The following PEAK1 variants were observed in gnomAD, a reference collection of about 807,000 sequenced individuals.
PEAK1 encodes the protein inactive tyrosine-protein kinase PEAK1.
A neutral mutation model predicts 124.7 loss-of-function variants in PEAK1; 54 were observed. That is an observed-to-expected ratio of 0.43 (90% CI 0.35 to 0.54). PEAK1 has a LOEUF of 0.54. PEAK1 is among the 20% of genes least tolerant of loss of function. PEAK1 has a pLI of 0.01. For synonymous variants in PEAK1, 719 were observed against 760.0 expected, an observed-to-expected ratio of 0.95 and a Z score of 0.89; for missense variants, 2,046 against 2,134.5, an observed-to-expected ratio of 0.96 and a Z score of 0.82.
At chr15:77,310,565 GA>G (rs1175036036) in intron 2 of PEAK1, among the ~76,000 whole-genome samples, 1 of 152,178 alleles carries the variant, frequency 6.6e-6, no homozygotes. Context: ...AGTCTAATGA[GA>G]TGAGTGAAAT....
chr15:77,256,731 T>TTAG (rs1252436245), intron 5 of PEAK1, among the ~76,000 whole-genome samples: 1 of 152,120 alleles, frequency 6.6e-6, no homozygotes, highest in Non-Finnish European at 1.5e-5. Context: ...TTTTTAAATT[T>TTAG]TATTATTATT....
chr15:77,271,777 G>A (rs2062046868), intron 5 of PEAK1, among the ~76,000 whole-genome samples: 1 of 152,158 alleles, frequency 6.6e-6, no homozygotes, highest in Non-Finnish European at 1.5e-5. Flanking sequence ...ACTGCGGCCT[G>A]TTGTGGGGTG....
At chr15:77,148,837 G>A (rs2054361970) in intron 8 of PEAK1, among the ~76,000 whole-genome samples, 1 of 152,146 alleles carries the variant, frequency 6.6e-6, no homozygotes, top group Non-Finnish European at 1.5e-5. Flanking sequence ...AGGGAGGACT[G>A]CTTAAGCCCA....
chr15:77,343,794 T>C (rs2066699004), intron 2 of PEAK1, among the ~76,000 whole-genome samples: 1 of 152,066 alleles, frequency 6.6e-6, no homozygotes, highest in South Asian at 2.1e-4. Flanking sequence ...CTTATCTATT[T>C]TTTCTTTTGT....
At chr15:77,391,958 T>C (rs975630232) in intron 1 of PEAK1, among the ~76,000 whole-genome samples, 2 of 152,202 alleles carry the variant, frequency 1.3e-5, no homozygotes, top group African/African-American at 4.8e-5. Context: ...AGAAATACTT[T>C]AAACTCTTAG....
chr15:77,413,453 T>C (rs1220498375), intron 1 of PEAK1, among the ~76,000 whole-genome samples: 1 of 152,156 alleles, frequency 6.6e-6, no homozygotes, highest in Non-Finnish European at 1.5e-5. Context: ...TATGAAATAA[T>C]AGGGGCACTT....
chr15:77,124,238 T>C (rs903912153), intron 9 of PEAK1, among the ~76,000 whole-genome samples: 16 of 152,244 alleles, frequency 1.1e-4, no homozygotes, highest in African/African-American at 3.6e-4. Context: ...TTGGGTCACT[T>C]AGATGTGTGG....
chr15:77,380,062 A>G (rs1400736754), intron 1 of PEAK1, among the ~76,000 whole-genome samples: 1 of 152,240 alleles, frequency 6.6e-6, no homozygotes, highest in African/African-American at 2.4e-5. Flanking sequence ...TGGCAAATAA[A>G]TAAACTCAGC....
intron 8 of PEAK1, chr15:77,155,264 C>T (rs1243218032): frequency 6.6e-6 from 1 of 152,208 alleles, no homozygotes; most frequent in Non-Finnish European, 1.5e-5. Flanking sequence ...CCCTTTCTTC[C>T]AGTTGATCGC....
intron 7 of PEAK1, chr15:77,178,467 C>G (rs905654701): frequency 6.9e-5 from 24 of 348,018 alleles, no homozygotes; most frequent in African/African-American, 3.5e-4. Flanking sequence ...CTTCCTCACA[C>G]TACCATCACA....
At position 77,180,823 on chromosome 15, in the gene PEAK1, T is replaced by TC; in HGVS notation, c.1103dup (p.Leu369IlefsTer5). On this transcript the variant is annotated frameshift_variant, in exon 7 of 10. Coordinates refer to ENST00000682557, the MANE Select transcript of PEAK1 (RefSeq NM_001385026.1). LOFTEE classifies it high-confidence loss of function. Reference sequence around the variant, plus strand: ...AATCTCCTGGGTTACCAGGAGATAATCCCCCATTACAAATCTTCTGGGATA... The same window carrying TC: ...AATCTCCTGGGTTACCAGGAGATAATCCCCCCATTACAAATCTTCTGGGATA... 6.2e-7 allele frequency: 1 copy of TC among 1,613,932 alleles called. No individual in the cohort carries two copies. Among genetic ancestry groups the TC allele is most frequent in the Non-Finnish European group, 8.5e-7 (1 of 1,179,940 alleles).
intron 2 of PEAK1, among the ~76,000 whole-genome samples, chr15:77,343,961 T>C (rs2066710442): frequency 6.6e-6 from 1 of 152,224 alleles, no homozygotes; most frequent in South Asian, 2.1e-4. Flanking sequence ...TCCAACTTCA[T>C]TCTTTTTTCA....
chr15:77,155,898 T>C, intron 8 of PEAK1: 1 of 153,240 alleles, frequency 6.5e-6, no homozygotes, highest in Non-Finnish European at 1.5e-5. Context: ...ATGTGAGGTG[T>C]CAGTCTGCCC....
chr15:77,327,199 T>C (rs927965950), intron 2 of PEAK1, among the ~76,000 whole-genome samples: 1 of 152,146 alleles, frequency 6.6e-6, no homozygotes, highest in Non-Finnish European at 1.5e-5. Context: ...TATTCCCAGA[T>C]GATTGTCAAC....
rs2062782952 is a variant in PEAK1, at chr15:77,283,679, A to T, written c.-275+204T>A. ...ATTCATTTTCAAAGTATCCTTTTAA[A>T]TTAACTGAAATTTTCCTTAGCTCAC... On this transcript the variant is annotated intron_variant, in intron 5 of 9. Transcript: ENST00000682557. 5.8e-5 allele frequency: 9 copies of T among 156,180 alleles called. No homozygotes were observed. In the Admixed American group the frequency reaches 5.9e-4, roughly 10 times the overall value. 9.7% of individuals were successfully genotyped at this position (156,180 alleles called of 1,614,324 possible). A position where few individuals can be genotyped will look rare whatever the true frequency, so the allele number is the denominator to read the frequency against.
Position 77,225,021 on chromosome 15 carries a change from G to A in PEAK1, c.-115+27346C>T, listed in dbSNP as rs79369754. On this transcript the variant is annotated intron_variant, in intron 6 of 9. Transcript: ENST00000682557. The stretch of plus-strand genomic sequence containing the variant: ...TGTTCCTCAATTAATTTCATCATGT[G>A]ACTTGCTTGTTCAAAAATTTTAAGT... Among the ~76,000 whole-genome samples, 1,120 of 152,004 alleles carry A rather than the reference G, an allele frequency of 7.4e-3. 41 individuals are homozygous for A. Among genetic ancestry groups the A allele is most frequent in the Admixed American group, 0.059 (895 of 15,208 alleles).
At chr15:77,145,477 G>A (rs1249023412) in intron 8 of PEAK1, among the ~76,000 whole-genome samples, 3 of 152,096 alleles carry the variant, frequency 2.0e-5, no homozygotes, top group East Asian at 3.9e-4. Flanking sequence ...TCAGACTGAC[G>A]GGCCCTATAT....
rs557945676 is a variant in PEAK1 at position 77,209,470 on chromosome 15, T to A, written c.-114-27430A>T. Among the ~76,000 whole-genome samples the A allele has an allele frequency of 9.2e-5, 14 of 152,302 alleles. No individual in the cohort carries two copies. In the South Asian group the frequency reaches 2.9e-3, roughly 32 times the overall value. On this transcript the variant is annotated intron_variant, in intron 6 of 9. Coordinates refer to ENST00000682557, the MANE Select transcript of PEAK1 (RefSeq NM_001385026.1). ...ATTCAAATTTGATTATCTAGAGACA[T>A]GAAAGCAATATACCTATATTAGCAT...
At chr15:77,244,453 T>C (rs924035249) in intron 6 of PEAK1, among the ~76,000 whole-genome samples, 6 of 152,226 alleles carry the variant, frequency 3.9e-5, no homozygotes, top group African/African-American at 1.4e-4. Flanking sequence ...TTGGAGCTCA[T>C]TGGGCTAGCT....
Sources: allele counts gnomAD v4.1 joint callset (sites outside exome capture counted in the v4.1 genomes callset), GRCh38; gene constraint gnomAD v4.1.1; transcripts MANE v1.5; gene names NCBI Gene and HGNC (gene_info 2026-07-23, HGNC 2026-07-21).